The following EIF2S2 variants were observed in gnomAD, a reference collection of about 807,000 sequenced individuals.
The protein encoded by EIF2S2 is eukaryotic translation initiation factor 2 subunit beta.
EIF2S2 carries 4 observed loss-of-function variants against 44.0 expected under a neutral mutation model. That is an observed-to-expected ratio of 0.09 (90% CI 0.04 to 0.21). The LOEUF is 0.21. Ranked by LOEUF, EIF2S2 falls within the 10% of genes least tolerant of loss-of-function variation. The pLI is 1.00. For synonymous variants in EIF2S2, 108 were observed against 128.3 expected, an observed-to-expected ratio of 0.84 and a Z score of 1.07; for missense variants, 154 against 392.0, an observed-to-expected ratio of 0.39 and a Z score of 5.13.
At chr20:34,096,280 C>T (rs2034227577) in intron 6 of EIF2S2, among the ~76,000 whole-genome samples, 2 of 151,242 alleles carry the variant, frequency 1.3e-5, no homozygotes, top group South Asian at 4.2e-4. Context: ...CAGCAAGACC[C>T]ACGTTTCTAC....
chr20:34,090,915 AT>A (rs139994507), intron 7 of EIF2S2, among the ~76,000 whole-genome samples: 156 of 146,042 alleles, frequency 1.1e-3, no homozygotes, highest in Non-Finnish European at 1.2e-3. Context: ...TGCCCTGCTA[AT>A]TTTTTTTTTT....
chr20:34,097,391 C>T, intron 5 of EIF2S2, 25 bp downstream of exon 5: 4 of 1,593,336 alleles, frequency 2.5e-6, no homozygotes, highest in South Asian at 1.1e-5. Context: ...AGCTTAGCCC[C>T]TTTTCACAAC....
At chr20:34,099,306 G>C (rs535964271) in intron 3 of EIF2S2, among the ~76,000 whole-genome samples, 3 of 151,580 alleles carry the variant, frequency 2.0e-5, no homozygotes, top group African/African-American at 7.3e-5. Flanking sequence ...GCAGTGAGTT[G>C]AGATCGTGCC....
intron 7 of EIF2S2, among the ~76,000 whole-genome samples, chr20:34,091,473 T>A (rs1336088654): frequency 6.6e-6 from 1 of 152,088 alleles, no homozygotes; most frequent in Non-Finnish European, 1.5e-5. Context: ...CCCAGCACTT[T>A]GGGAGGCTGA....
chr20:34,106,236 T>C (rs7263173), intron 1 of EIF2S2, among the ~76,000 whole-genome samples: 14,912 of 151,952 alleles, frequency 0.098, 2,436 homozygotes, highest in African/African-American at 0.34. Context: ...ATCAATGTTT[T>C]ATTCAAGGCT....
intron 7 of EIF2S2, among the ~76,000 whole-genome samples, chr20:34,091,430 T>C (rs766556109): frequency 4.1e-4 from 62 of 152,252 alleles, no homozygotes; most frequent in African/African-American, 5.5e-4. Flanking sequence ...CTAAAAACCA[T>C]TGGGGCCAGG....
chr20:34,108,809 A>C (rs955566761), intron 1 of EIF2S2, among the ~76,000 whole-genome samples: 1 of 152,220 alleles, frequency 6.6e-6, no homozygotes, highest in Non-Finnish European at 1.5e-5. Flanking sequence ...TAGTCATACT[A>C]TACCCAGAAG....
chr20:34,103,164 C>A (rs1166715705), intron 3 of EIF2S2, among the ~76,000 whole-genome samples: 1 of 152,164 alleles, frequency 6.6e-6, no homozygotes, highest in African/African-American at 2.4e-5. Context: ...GGATTTCTCA[C>A]TCATAGAAAT....
At chr20:34,110,205 G>A (rs907694734) in intron 1 of EIF2S2, among the ~76,000 whole-genome samples, 9 of 152,064 alleles carry the variant, frequency 5.9e-5, no homozygotes, top group Admixed American at 5.9e-4. Context: ...CTTCCACTCT[G>A]GGAAAGTCCT....
intron 1 of EIF2S2, among the ~76,000 whole-genome samples, chr20:34,106,058 A>C (rs1287655776): frequency 1.3e-5 from 2 of 152,050 alleles, no homozygotes; most frequent in Non-Finnish European, 2.9e-5. Flanking sequence ...AGTAGCTGGG[A>C]CCACAAGCAT....
intron 4 of EIF2S2, 136 bp downstream of exon 4, chr20:34,098,362 C>G: frequency 1.1e-6 from 1 of 881,192 alleles, no homozygotes; most frequent in South Asian, 1.9e-5. Context: ...AACACTGTTT[C>G]CTTTCGCTTC....
At chr20:34,102,098 A>T (rs1369318437) in intron 3 of EIF2S2, among the ~76,000 whole-genome samples, 16 of 152,200 alleles carry the variant, frequency 1.1e-4, no homozygotes, top group Admixed American at 1.0e-3. Flanking sequence ...GATGACCAGG[A>T]TACCTCTAAC....
At chr20:34,104,891 C>A (rs1328799814) in intron 2 of EIF2S2, among the ~76,000 whole-genome samples, 4 of 152,192 alleles carry the variant, frequency 2.6e-5, no homozygotes, top group Non-Finnish European at 5.9e-5. Flanking sequence ...CAGACACATA[C>A]AATGTTTATA....
At position 34,112,053 on chromosome 20, in the gene EIF2S2, CT is replaced by C. The variant is rs376586451; in HGVS notation, c.15+42del. ...TCCCACACTGGAGTGGGTTAGGCTT[CT>C]CGCCTCAATCCTTAGCCCTTACGCC... On this transcript the variant is annotated intron_variant, in intron 1 of 8. Transcript: ENST00000374980. The C allele has an allele frequency of 1.4e-3, 2,047 of 1,460,294 alleles. 31 individuals carry two copies. The African/African-American group carries it at 0.024, about 17-fold the overall frequency. 90.5% of individuals were successfully genotyped at this position (1,460,294 alleles called of 1,614,324 possible).
intron 1 of EIF2S2, among the ~76,000 whole-genome samples, chr20:34,111,065 T>C (rs546516861): frequency 9.3e-4 from 141 of 152,364 alleles, no homozygotes; most frequent in African/African-American, 3.3e-3. Context: ...AGTAAGAGAC[T>C]GGAATCCCGT....
chr20:34,104,572 TCA>T (rs1342267055), intron 2 of EIF2S2, among the ~76,000 whole-genome samples: 2 of 152,228 alleles, frequency 1.3e-5, no homozygotes, highest in Non-Finnish European at 2.9e-5. Flanking sequence ...ACAAATTATT[TCA>T]CATTCATTAA....
At chr20:34,110,504 T>C (rs2034400769) in intron 1 of EIF2S2, among the ~76,000 whole-genome samples, 1 of 152,212 alleles carries the variant, frequency 6.6e-6, no homozygotes, top group Non-Finnish European at 1.5e-5. Flanking sequence ...CCGGCACCCC[T>C]AAGTGGCCAA....
chr20:34,111,278 C>G (rs1354497328), intron 1 of EIF2S2, among the ~76,000 whole-genome samples: 1 of 152,194 alleles, frequency 6.6e-6, no homozygotes. Flanking sequence ...TTCTCAACAA[C>G]TTACGGGGCC....
At chr20:34,098,300 GT>G (rs1385308325) in intron 4 of EIF2S2, among the ~76,000 whole-genome samples, 197 bp downstream of exon 4, 1 of 151,700 alleles carries the variant, frequency 6.6e-6, no homozygotes, top group Non-Finnish European at 1.5e-5. Flanking sequence ...GAATCAGTAT[GT>G]TTTTAATGTA....
Sources: gnomAD v4.1 joint callset for allele counts (sites outside exome capture counted in the v4.1 genomes callset) on GRCh38, gnomAD v4.1.1 for gene constraint, MANE v1.5 for transcripts, NCBI Gene and HGNC (gene_info 2026-07-23, HGNC 2026-07-21) for gene names.